SLCO1C1: variants seen among roughly 807,000 people sequenced by gnomAD.
SLCO1C1 encodes OAT-RP-5.
Under a neutral mutation model 76.4 loss-of-function variants are expected in SLCO1C1, and 70 were observed. The observed-to-expected ratio is 0.92, with a 90% CI of 0.76 to 1.12. SLCO1C1 has a LOEUF of 1.12. Among genes scored for constraint, SLCO1C1 ranks in the 50% most tolerant of loss-of-function variants. The pLI, the probability that SLCO1C1 is intolerant of heterozygous loss-of-function variation, is 0.00. For synonymous variants in SLCO1C1, 306 were observed against 286.1 expected, an observed-to-expected ratio of 1.07 and a Z score of -0.70; for missense variants, 912 against 823.8, an observed-to-expected ratio of 1.11 and a Z score of -1.31.
At chr12:20,713,329 T>C (rs1018291305) in intron 5 of SLCO1C1, among the ~76,000 whole-genome samples, 17 of 152,094 alleles carry the variant, frequency 1.1e-4, no homozygotes, top group Admixed American at 1.1e-3. Context: ...TCCGCCCGCC[T>C]CGGCCTCCCA....
At position 20,743,325 on chromosome 12, in the gene SLCO1C1, A is replaced by C; in HGVS notation, c.1754A>C (p.Lys585Thr). The C allele has an allele frequency of 6.2e-7, 1 of 1,613,126 alleles. No homozygotes were observed. Among genetic ancestry groups the C allele is most frequent in the Non-Finnish European group, 8.5e-7 (1 of 1,179,508 alleles). ...LLLRCIKPQL[K>T]SFALGIYTLA... ...TTTAGGTGCATTAAGCCACAGCTTA[A>C]GTCTTTTGCCTTGGGTATCTACACA... Residue 585 changes from lysine (K) to threonine (T), a missense_variant, in exon 13 of 15, where the codon AAG becomes ACG. Coordinates refer to ENST00000266509, the MANE Select transcript of SLCO1C1 (RefSeq NM_017435.5).
intron 9 of SLCO1C1, among the ~76,000 whole-genome samples, chr12:20,723,608 G>T (rs932208488): frequency 6.6e-6 from 1 of 152,150 alleles, no homozygotes; most frequent in Admixed American, 6.5e-5. Flanking sequence ...TAGGTTAAAA[G>T]ATGTTCATTC....
chr12:20,746,639 T>A (rs1592337316), intron 13 of SLCO1C1, among the ~76,000 whole-genome samples: 1 of 152,152 alleles, frequency 6.6e-6, no homozygotes, highest in East Asian at 1.9e-4. Flanking sequence ...GCCTTCTAAC[T>A]GGGACAGAAT....
At chr12:20,723,429 A>C (rs2120763031) in intron 9 of SLCO1C1, among the ~76,000 whole-genome samples, 175 bp downstream of exon 9, 1 of 152,286 alleles carries the variant, frequency 6.6e-6, no homozygotes, top group African/African-American at 2.4e-5. Context: ...TGGGTAAGTA[A>C]CCCAGAGAGC....
intron 3 of SLCO1C1, among the ~76,000 whole-genome samples, chr12:20,702,944 G>A (rs564192747): frequency 1.3e-5 from 2 of 151,962 alleles, no homozygotes; most frequent in East Asian, 1.9e-4. Context: ...TGCAACTTGA[G>A]AGACAAAGTT....
rs779763323 is a variant in SLCO1C1 at position 20,711,400 on chromosome 12, G to T, written c.419G>T (p.Arg140Ile). Residue 140 changes from arginine (R) to isoleucine (I), a missense_variant, in exon 5 of 15, where the codon AGA (arginine) becomes ATA (isoleucine). Coordinates refer to ENST00000266509, the MANE Select transcript of SLCO1C1 (RefSeq NM_017435.5). ...QFFMEQYKYE[R>I]YSPSSNSTLS... ...CTCTTATGCAGGTACAAATATGAGA[G>T]ATATTCTCCTTCCTCCAATTCCACT... 1 of 1,612,840 alleles carries T rather than the reference G, an allele frequency of 6.2e-7. No homozygotes were observed. The highest frequency in any genetic ancestry group is 8.5e-7 in the Non-Finnish European group (1 of 1,179,524).
chr12:20,752,512 AG>A lies in SLCO1C1; in HGVS notation c.2125del (p.Glu709LysfsTer15), dbSNP rs1281185033. The A allele has an allele frequency of 1.3e-6, 2 of 1,584,978 alleles. No individual in the cohort carries two copies. The highest frequency in any genetic ancestry group is 2.7e-5 in the African/African-American group (2 of 73,958). Reference protein sequence around the residue: ...HLLQPNYWPGKETQL With the variant: ...HLLQPNYWPGXETQL ...CTACAACCCAACTACTGGCCAGGCA[AG>A]GAAACTCAACTTTAGAAACATGATG... On this transcript the variant is annotated frameshift_variant, in exon 15 of 15. Transcript: ENST00000266509. LOFTEE classifies it high-confidence loss of function.
At position 20,749,382 on chromosome 12, in the gene SLCO1C1, G is replaced by C. The variant is rs558162336; in HGVS notation, c.1799-1293G>C. ...TGGACTCCAAGTGTAGGCAGCGGTTGGGGGAGTGAGGCAGCTGCTGCTTAA... is the reference window on the plus strand; with the variant it reads ...TGGACTCCAAGTGTAGGCAGCGGTTCGGGGAGTGAGGCAGCTGCTGCTTAA... On this transcript the variant is annotated intron_variant, in intron 13 of 14. Transcript: ENST00000266509. 1.1e-4 allele frequency among the ~76,000 whole-genome samples: 16 copies of C among 152,238 alleles called. 1 individual carries two copies. The highest frequency in any genetic ancestry group is 7.2e-4 in the Admixed American group (11 of 15,278).
chr12:20,733,204 A>C, intron 10 of SLCO1C1, 100 bp downstream of exon 10: 1 of 1,150,784 alleles, frequency 8.7e-7, no homozygotes, highest in Non-Finnish European at 1.2e-6. Flanking sequence ...AAACATCATA[A>C]CTATGGTAAG....
chr12:20,744,024 A>T (rs1948933946), intron 13 of SLCO1C1, among the ~76,000 whole-genome samples: 1 of 152,056 alleles, frequency 6.6e-6, no homozygotes, highest in South Asian at 2.1e-4. Context: ...GAAAGGAACA[A>T]CCCAGAAAGA....
At chr12:20,735,898 T>C (rs758179041) in intron 10 of SLCO1C1, among the ~76,000 whole-genome samples, 4 of 152,148 alleles carry the variant, frequency 2.6e-5, no homozygotes, top group Non-Finnish European at 4.4e-5. Flanking sequence ...TCTGGACATA[T>C]GGGAGTGAAT....
chr12:20,706,178 A>T, intron 4 of SLCO1C1, 97 bp downstream of exon 4: 2 of 1,387,270 alleles, frequency 1.4e-6, no homozygotes, highest in Non-Finnish European at 1.9e-6. Context: ...AGCTTAACCC[A>T]TGATAACTTT....
chr12:20,728,248 C>T (rs1339285883), intron 9 of SLCO1C1, among the ~76,000 whole-genome samples: 3 of 145,464 alleles, frequency 2.1e-5, no homozygotes, highest in Non-Finnish European at 4.7e-5. Flanking sequence ...CCAGTTACCA[C>T]AGTACCATTT....
intron 5 of SLCO1C1, among the ~76,000 whole-genome samples, chr12:20,713,725 T>C (rs902143723): frequency 3.3e-5 from 5 of 152,212 alleles, no homozygotes; most frequent in Non-Finnish European, 5.9e-5. Context: ...GAATGTCTTA[T>C]ATCTTTGCTG....
At chr12:20,730,848 C>T (rs753256283) in intron 9 of SLCO1C1, among the ~76,000 whole-genome samples, 7 of 152,126 alleles carry the variant, frequency 4.6e-5, no homozygotes, top group Non-Finnish European at 7.4e-5. Context: ...AGCTGCACAA[C>T]GGCTGAGACA....
At chr12:20,741,810 TTAAAA>T (rs1336190590) in intron 12 of SLCO1C1, among the ~76,000 whole-genome samples, 3 of 152,174 alleles carry the variant, frequency 2.0e-5, no homozygotes, top group Non-Finnish European at 4.4e-5. Context: ...TAAAAATCAC[TTAAAA>T]TAATAAAAAT....
In SLCO1C1 at chr12:20,752,331, A is replaced by T. The variant is rs1949349874; in HGVS notation, c.1942A>T (p.Ile648Leu). ...FRHIYLGLTV[I>L]LGTVSILLSI... ...ACATATATATCTGGGACTAACTGTG[A>T]TACTGGGCACAGTGTCAATTCTCCT... Residue 648 changes from isoleucine to leucine, a missense_variant, in exon 15 of 15, where the codon ATA (isoleucine) becomes TTA (leucine). Coordinates refer to ENST00000266509, the MANE Select transcript of SLCO1C1 (RefSeq NM_017435.5). 1 of 1,607,328 alleles carries T rather than the reference A, an allele frequency of 6.2e-7. No individual in the cohort carries two copies. Among genetic ancestry groups the T allele is most frequent in the East Asian group, 2.2e-5 (1 of 44,750 alleles).
chr12:20,715,040 C>A (rs948760200), intron 5 of SLCO1C1, 99 bp from the exon 6 acceptor site: 1 of 1,428,580 alleles, frequency 7.0e-7, no homozygotes, highest in South Asian at 1.4e-5. Context: ...AAAACTCCTG[C>A]ATTCTAGTTC....
At chr12:20,746,861 A>G (rs1949070826) in intron 13 of SLCO1C1, among the ~76,000 whole-genome samples, 1 of 151,980 alleles carries the variant, frequency 6.6e-6, no homozygotes, top group Admixed American at 6.6e-5. Flanking sequence ...AAGATTGGAT[A>G]TTGCTCTGAA....
Sources: gnomAD v4.1 joint callset for allele counts (sites outside exome capture counted in the v4.1 genomes callset) on GRCh38, gnomAD v4.1.1 for gene constraint, MANE v1.5 for transcripts, NCBI Gene and HGNC (gene_info 2026-07-23, HGNC 2026-07-21) for gene names.